The following GLT8D2 variants were observed in gnomAD, a reference collection of about 807,000 sequenced individuals.
GLT8D2 encodes the protein glycosyltransferase 8 domain containing 2.
In GLT8D2, 45 loss-of-function variants were observed where a neutral mutation model predicts 44.5. The ratio of observed to expected loss-of-function variants is 1.01; its 90% CI spans 0.80 to 1.30. The LOEUF (loss-of-function observed/expected upper bound fraction) is 1.30, where lower values mean the gene tolerates loss of function less well. Ranked by LOEUF, GLT8D2 falls within the 50% of genes most tolerant of loss-of-function variation. The pLI is 0.00. For missense variants in GLT8D2, 400 were observed against 430.4 expected (o/e 0.93, Z 0.62); for synonymous variants, 156 against 157.2 (o/e 0.99, Z 0.06).
intron 4 of GLT8D2, chr12:104,014,326 G>A: frequency 1.4e-6 from 1 of 698,796 alleles, no homozygotes; most frequent in East Asian, 2.7e-5. Flanking sequence ...CTGTATTTGA[G>A]CTGGGGCAAC....
intron 6 of GLT8D2, among the ~76,000 whole-genome samples, chr12:103,997,982 AC>A (rs1404672444): frequency 2.6e-4 from 39 of 151,214 alleles, no homozygotes; most frequent in African/African-American, 8.8e-4. Flanking sequence ...AGCAAGCTCA[AC>A]CTTTTAGCTC....
At chr12:104,057,476 A>T (rs1882268146) in intron 1 of GLT8D2, among the ~76,000 whole-genome samples, 1 of 152,094 alleles carries the variant, frequency 6.6e-6, no homozygotes, top group Admixed American at 6.6e-5. Context: ...AGCTGTGATC[A>T]TGCCACTGTA....
At chr12:104,039,905 A>G (rs986522462) in intron 1 of GLT8D2, among the ~76,000 whole-genome samples, 1 of 152,266 alleles carries the variant, frequency 6.6e-6, no homozygotes, top group African/African-American at 2.4e-5. Flanking sequence ...CCAAATGTCC[A>G]TCAATGATAG....
chr12:104,004,118 A>G (rs1052084764), intron 4 of GLT8D2, among the ~76,000 whole-genome samples: 1 of 152,224 alleles, frequency 6.6e-6, no homozygotes, highest in Non-Finnish European at 1.5e-5. Flanking sequence ...AATAGAACCA[A>G]AGACAAAAAC....
chr12:104,011,578 G>T (rs1176108654), intron 4 of GLT8D2, among the ~76,000 whole-genome samples: 1 of 152,176 alleles, frequency 6.6e-6, no homozygotes, highest in African/African-American at 2.4e-5. Context: ...TACATGGAGT[G>T]TCACAATGGG....
At chr12:103,997,638 C>T (rs1593529512) in intron 6 of GLT8D2, 103 bp from the exon 7 acceptor site, 2 of 794,884 alleles carry the variant, frequency 2.5e-6, no homozygotes, top group East Asian at 5.0e-5. Flanking sequence ...CAGCTCAGCT[C>T]CAGGTTTGGA....
chr12:103,990,443 C>G (rs1872619343), intron 10 of GLT8D2, among the ~76,000 whole-genome samples: 1 of 152,156 alleles, frequency 6.6e-6, no homozygotes, highest in Non-Finnish European at 1.5e-5. Context: ...TTTACCCTAA[C>G]AGTGCCATTG....
At position 104,015,182 on chromosome 12, in the gene GLT8D2, C is replaced by T. The variant is rs536543402; in HGVS notation, c.20-77G>A. ...CGTGACAAAGTTTAGAATGGTAGTGCGAGTAGGTGCCTTCCATGACACAGA... is the reference window on the plus strand; with the variant it reads ...CGTGACAAAGTTTAGAATGGTAGTGTGAGTAGGTGCCTTCCATGACACAGA... On this transcript the variant is annotated intron_variant, in intron 3 of 10. Transcript: ENST00000360814. The T allele has an allele frequency of 9.3e-5, 94 of 1,008,022 alleles. 1 individual carries two copies. The highest frequency in any genetic ancestry group is 7.1e-4 in the South Asian group (52 of 73,552). 62.4% of individuals were successfully genotyped at this position (1,008,022 alleles called of 1,614,324 possible). A position where few individuals can be genotyped will look rare whatever the true frequency, so the allele number is the denominator to read the frequency against.
intron 1 of GLT8D2, among the ~76,000 whole-genome samples, chr12:104,040,995 G>T (rs566999227): frequency 6.6e-6 from 1 of 152,156 alleles, no homozygotes; most frequent in Non-Finnish European, 1.5e-5. Flanking sequence ...GGCTGGGCAC[G>T]GTGGCTCACG....
intron 3 of GLT8D2, among the ~76,000 whole-genome samples, chr12:104,019,053 C>T (rs747993698): frequency 2.0e-5 from 3 of 150,838 alleles, no homozygotes; most frequent in Non-Finnish European, 4.4e-5. Context: ...CGAGAAAATG[C>T]ATTATTTTTG....
chr12:104,015,880 G>C (rs576898329), intron 3 of GLT8D2, among the ~76,000 whole-genome samples: 1 of 152,080 alleles, frequency 6.6e-6, no homozygotes, highest in Non-Finnish European at 1.5e-5. Context: ...GTGCATGCCT[G>C]TAATCCCAGC....
intron 1 of GLT8D2, among the ~76,000 whole-genome samples, chr12:104,034,837 C>G (rs151226244): frequency 6.6e-6 from 1 of 152,356 alleles, no homozygotes; most frequent in African/African-American, 2.4e-5. Flanking sequence ...AGACTGCTTC[C>G]CTCAGTGGGT....
Position 103,996,844 on chromosome 12 carries a change from T to A in GLT8D2, c.491A>T (p.Asp164Val), listed in dbSNP as rs1593528858. ...YLDDDVIVQG[D>V]IQELYDTTLA... ...GGTGGTGTCATACAGTTCTTGGATA[T>A]CACCTGAATTTAGAAACACCACCAA... Residue 164 changes from aspartate (D) to valine (V), a missense_variant, in exon 8 of 11, where the codon GAT (aspartate) becomes GTT (valine). By Grantham distance (152) the Asp-to-Val change is radical. Transcript: ENST00000360814. 1.2e-6 allele frequency: 2 copies of A among 1,608,614 alleles called. No individual in the cohort carries two copies. The highest frequency in any genetic ancestry group is 4.5e-5 in the East Asian group (2 of 44,852).
chr12:104,036,837 C>T (rs1879977435), intron 1 of GLT8D2, among the ~76,000 whole-genome samples: 1 of 152,182 alleles, frequency 6.6e-6, no homozygotes, highest in East Asian at 1.9e-4. Flanking sequence ...CAGAACTCTC[C>T]ACCACAAATC....
intron 1 of GLT8D2, among the ~76,000 whole-genome samples, chr12:104,060,309 C>T (rs1305745213): frequency 6.6e-6 from 1 of 152,206 alleles, no homozygotes; most frequent in Non-Finnish European, 1.5e-5. Context: ...TCTCCAAACT[C>T]TCCTCCTAGG....
At chr12:104,030,469 T>C (rs76450039) in intron 1 of GLT8D2, among the ~76,000 whole-genome samples, 9,902 of 152,128 alleles carry the variant, frequency 0.065, 356 homozygotes, top group East Asian at 0.15. Flanking sequence ...CTCTGTGGCA[T>C]TGGTCTTGGC....
chr12:104,012,899 G>A (rs546947011), intron 4 of GLT8D2: 10 of 663,960 alleles, frequency 1.5e-5, no homozygotes, highest in Non-Finnish European at 2.4e-5. Context: ...AAAAGGCCAC[G>A]TGAGGACACA....
chr12:104,028,601 C>T (rs544784353), intron 1 of GLT8D2, among the ~76,000 whole-genome samples: 1 of 152,156 alleles, frequency 6.6e-6, no homozygotes, highest in Non-Finnish European at 1.5e-5. Context: ...CCCTTGGAAA[C>T]TTAAGATTCC....
chr12:103,998,811 T>C (rs1477107650), intron 6 of GLT8D2, among the ~76,000 whole-genome samples: 2 of 152,074 alleles, frequency 1.3e-5, no homozygotes, highest in Non-Finnish European at 2.9e-5. Context: ...CCTCCCAAAG[T>C]GCTGGGATTA....
Sources: gnomAD v4.1 joint callset for allele counts (sites outside exome capture counted in the v4.1 genomes callset) on GRCh38, gnomAD v4.1.1 for gene constraint, MANE v1.5 for transcripts, NCBI Gene and HGNC (gene_info 2026-07-23, HGNC 2026-07-21) for gene names.